IBSP: variants seen among roughly 807,000 people sequenced by gnomAD.
IBSP encodes the protein integrin binding sialoprotein.
IBSP carries 19 observed loss-of-function variants against 25.5 expected under a neutral mutation model. The observed-to-expected ratio is 0.74, with a 90% CI of 0.52 to 1.09. IBSP has a LOEUF of 1.09. Among genes scored for constraint, IBSP ranks in the 50% least tolerant of loss-of-function variants. The pLI, the probability that IBSP is intolerant of heterozygous loss-of-function variation, is 0.00. For missense variants in IBSP, 360 were observed against 382.3 expected (o/e 0.94, Z 0.49); for synonymous variants, 144 against 137.6 (o/e 1.05, Z -0.33).
chr4:87,802,060 C>A (rs1003859106), intron 1 of IBSP, among the ~76,000 whole-genome samples: 2 of 152,124 alleles, frequency 1.3e-5, no homozygotes, highest in African/African-American at 4.8e-5. Flanking sequence ...CCTAAGTAGT[C>A]AAAATCTCTT....
chr4:87,806,110 A>G lies in IBSP; in HGVS notation c.184-12A>G. Reference sequence around the variant, plus strand: ...CAGATAAGAGTATACATACATGTGTATATATTTTTAGGGCAGTAGTGACTC... The same window carrying G: ...CAGATAAGAGTATACATACATGTGTGTATATTTTTAGGGCAGTAGTGACTC... On this transcript the variant is annotated splice_polypyrimidine_tract_variant and intron_variant, in intron 4 of 6. Coordinates refer to ENST00000226284, the MANE Select transcript of IBSP (RefSeq NM_004967.4). 1 of 1,598,170 alleles carries G rather than the reference A, an allele frequency of 6.3e-7. No individual in the cohort carries two copies. The highest frequency in any genetic ancestry group is 8.6e-7 in the Non-Finnish European group (1 of 1,167,496).
chr4:87,807,591 G>A (rs1037228330), intron 5 of IBSP, among the ~76,000 whole-genome samples: 5 of 152,150 alleles, frequency 3.3e-5, no homozygotes, highest in Non-Finnish European at 4.4e-5. Flanking sequence ...TACAGTGATT[G>A]TAAAATTGCC....
At chr4:87,810,474 G>C (rs578093865) in intron 5 of IBSP, 132 bp from the exon 6 acceptor site, 10 of 676,416 alleles carry the variant, frequency 1.5e-5, no homozygotes, top group Admixed American at 7.9e-5. Flanking sequence ...GGCAGGCTTT[G>C]AGTGATCAGC....
In IBSP at chr4:87,802,731, G is replaced by A. The variant is rs1722039067; in HGVS notation, c.183G>A (p.Gln61=). The A allele has an allele frequency of 6.6e-7, 1 of 1,505,720 alleles. No individual in the cohort carries two copies. The highest frequency in any genetic ancestry group is 8.8e-7 in the Non-Finnish European group (1 of 1,130,038). The allele number at this position is 1,505,720 out of a possible 1,614,324, so 93.3% of individuals were successfully genotyped here. A position where few individuals can be genotyped will look rare whatever the true frequency, so the allele number is the denominator to read the frequency against. The change falls in exon 4 of 7, where the codon CAG becomes CAA. Residue 61 remains glutamine (Q), a splice_region_variant and synonymous_variant. Coordinates refer to ENST00000226284, the MANE Select transcript of IBSP (RefSeq NM_004967.4). The stretch of plus-strand genomic sequence containing the variant: ...CTCATTTAAAACGATTTCCAGTTCA[G>A]GTAAATATAGAAATTCATTTTTCTT... ...FYPHLKRFPV[Q]GSSDSSEENG...
rs1183293538 is a variant in IBSP, at chr4:87,811,661, T to G, written c.705T>G (p.Phe235Leu). Reference sequence around the variant, plus strand: ...CAACAACCTCTCCAAATGGTGGGTTTGAACCTACAACCCCACCACAAGTCT... The same window carrying G: ...CAACAACCTCTCCAAATGGTGGGTTGGAACCTACAACCCCACCACAAGTCT... The part of the protein sequence containing the change: ...SKTTTSPNGG[F>L]EPTTPPQVYR... The change falls in exon 7 of 7, where the codon TTT becomes TTG. Residue 235 changes from phenylalanine to leucine, a missense_variant. By Grantham distance (22) the Phe-to-Leu change is conservative (BLOSUM62 0). Transcript: ENST00000226284. 3 of 1,613,424 alleles carry G rather than the reference T, an allele frequency of 1.9e-6. No homozygotes were observed. Among genetic ancestry groups the G allele is most frequent in the Non-Finnish European group, 2.5e-6 (3 of 1,179,936 alleles).
At chr4:87,806,283 C>A in intron 5 of IBSP, 99 bp downstream of exon 5, 1 of 858,444 alleles carries the variant, frequency 1.2e-6, no homozygotes, top group South Asian at 1.5e-5. Flanking sequence ...TAGCCATTGT[C>A]ACTTTACTAA....
At chr4:87,800,113 G>A (rs1721993507) in intron 1 of IBSP, among the ~76,000 whole-genome samples, 2 of 152,054 alleles carry the variant, frequency 1.3e-5, no homozygotes, top group Non-Finnish European at 2.9e-5. Context: ...GTACTAACTA[G>A]AGAAATAAAT....
intron 1 of IBSP, among the ~76,000 whole-genome samples, chr4:87,801,971 C>G (rs1414942707): frequency 6.6e-6 from 1 of 152,162 alleles, no homozygotes; most frequent in African/African-American, 2.4e-5. Flanking sequence ...ACAGGGCACA[C>G]AACTACACTA....
chr4:87,810,829 C>T (rs1560528214), intron 6 of IBSP, 65 bp downstream of exon 6: 24 of 1,423,918 alleles, frequency 1.7e-5, no homozygotes, highest in Non-Finnish European at 2.2e-5. Flanking sequence ...AATGTTCAAT[C>T]TTTTTTAAAC....
rs747838111 is a variant in IBSP at position 87,811,592 on chromosome 4, A to G, written c.636A>G (p.Glu212=). The G allele has an allele frequency of 6.2e-7, 1 of 1,613,708 alleles. No individual in the cohort carries two copies. The highest frequency in any genetic ancestry group is 1.7e-5 in the Admixed American group (1 of 59,950). ...EEESVTGANA[E]DTTETGRQGK... Reference sequence around the variant, plus strand: ...AAAGTGTCACTGGAGCCAATGCAGAAGACACCACAGAGACCGGAAGGCAGG... The same window carrying G: ...AAAGTGTCACTGGAGCCAATGCAGAGGACACCACAGAGACCGGAAGGCAGG... The change falls in exon 7 of 7, where the codon GAA becomes GAG. Residue 212 remains glutamate (E), a synonymous_variant. Transcript: ENST00000226284.
At chr4:87,810,854 C>A in intron 6 of IBSP, 90 bp downstream of exon 6, 1 of 1,125,356 alleles carries the variant, frequency 8.9e-7, no homozygotes, top group South Asian at 1.5e-5. Context: ...TAACTGGAGT[C>A]TAAGGGTATC....
At chr4:87,809,068 C>T (rs546356201) in intron 5 of IBSP, among the ~76,000 whole-genome samples, 144 of 152,262 alleles carry the variant, frequency 9.5e-4, no homozygotes, top group Non-Finnish European at 1.8e-3. Flanking sequence ...TCTCACCATC[C>T]GTGTATGAGG....
chr4:87,804,003 G>A (rs1214598458), intron 4 of IBSP, among the ~76,000 whole-genome samples: 2 of 152,154 alleles, frequency 1.3e-5, no homozygotes, highest in Non-Finnish European at 2.9e-5. Context: ...AATGTCCATA[G>A]TGAAGCAATA....
chr4:87,801,865 G>A lies in IBSP; in HGVS notation c.-14-483G>A, dbSNP rs929956645. 3.9e-4 allele frequency among the ~76,000 whole-genome samples: 59 copies of A among 151,976 alleles called. 2 individuals are homozygous for A. The highest frequency in any genetic ancestry group is 3.6e-3 in the Admixed American group (55 of 15,240). On this transcript the variant is annotated intron_variant, in intron 1 of 6. Coordinates refer to ENST00000226284, the MANE Select transcript of IBSP (RefSeq NM_004967.4). ...TTGCCCAGGCTCATCTCAAACTCTT[G>A]GACTCAAGCGATCTGCCCACCTTGG...
intron 1 of IBSP, among the ~76,000 whole-genome samples, chr4:87,800,359 T>G (rs1459177713): frequency 6.6e-6 from 1 of 152,168 alleles, no homozygotes; most frequent in East Asian, 1.9e-4. Context: ...TCTTTTCATC[T>G]GGTTATTTTT....
At chr4:87,808,560 C>T (rs540271731) in intron 5 of IBSP, among the ~76,000 whole-genome samples, 1 of 152,092 alleles carries the variant, frequency 6.6e-6, no homozygotes, top group African/African-American at 2.4e-5. Context: ...AAATTGAACA[C>T]GTAAGTGAAA....
At position 87,806,043 on chromosome 4, in the gene IBSP, A is replaced by G. The variant is rs528436574; in HGVS notation, c.184-79A>G. On this transcript the variant is annotated intron_variant, in intron 4 of 6. Transcript: ENST00000226284. ...ATTTGTGTGTATTTTATTGTGATTC[A>G]ATTAGCAGGAAATTTAAATTGCTGT... The G allele has an allele frequency of 5.9e-5, 63 of 1,062,852 alleles. No homozygotes were observed. The South Asian group carries it at 8.3e-4, about 14-fold the overall frequency. The allele number at this position is 1,062,852 out of a possible 1,614,324, so 65.8% of individuals were successfully genotyped here. A position where few individuals can be genotyped will look rare whatever the true frequency, so the allele number is the denominator to read the frequency against.
intron 5 of IBSP, 100 bp downstream of exon 5, chr4:87,806,284 A>C: frequency 1.2e-6 from 1 of 818,354 alleles, no homozygotes; most frequent in Non-Finnish European, 2.0e-6. Context: ...AGCCATTGTC[A>C]CTTTACTAAC....
Position 87,811,724 on chromosome 4 carries a change from C to T in IBSP, c.768C>T (p.Thr256=). Residue 256 remains threonine (T), a synonymous_variant, in exon 7 of 7, where the codon ACC becomes ACT. Transcript: ENST00000226284. ...TTSPPFGKTT[T]VEYEGEYEYT... ...CCCCACCTTTTGGGAAAACCACCAC[C>T]GTTGAATACGAGGGGGAGTACGAAT... 6.2e-7 allele frequency: 1 copy of T among 1,614,020 alleles called. No homozygotes were observed. The highest frequency in any genetic ancestry group is 1.1e-5 in the South Asian group (1 of 91,060).
Sources: allele counts gnomAD v4.1 joint callset (sites outside exome capture counted in the v4.1 genomes callset), GRCh38; gene constraint gnomAD v4.1.1; transcripts MANE v1.5; gene names NCBI Gene and HGNC (gene_info 2026-07-23, HGNC 2026-07-21).